GUCY1A2: variants seen among roughly 807,000 people sequenced by gnomAD.
GUCY1A2 encodes the protein guanylate cyclase 1 soluble subunit alpha 2.
In GUCY1A2, 27 loss-of-function variants were observed where a neutral mutation model predicts 63.5. The ratio of observed to expected loss-of-function variants is 0.43; its 90% CI spans 0.31 to 0.59. The LOEUF (loss-of-function observed/expected upper bound fraction) is 0.59, where lower values mean the gene tolerates loss of function less well. GUCY1A2 is among the 20% of genes least tolerant of loss of function. GUCY1A2 has a pLI of 0.11. For synonymous variants in GUCY1A2, 364 were observed against 343.5 expected, an observed-to-expected ratio of 1.06 and a Z score of -0.66; for missense variants, 768 against 913.3, an observed-to-expected ratio of 0.84 and a Z score of 2.05.
chr11:107,003,655 C>T (rs1269349180), intron 1 of GUCY1A2, among the ~76,000 whole-genome samples: 2 of 152,156 alleles, frequency 1.3e-5, no homozygotes, highest in South Asian at 2.1e-4. Flanking sequence ...CAGTCCAGAG[C>T]TAATCATTTT....
intron 1 of GUCY1A2, among the ~76,000 whole-genome samples, chr11:107,001,836 T>A (rs186865713): frequency 6.6e-6 from 1 of 152,130 alleles, no homozygotes; most frequent in African/African-American, 2.4e-5. Context: ...CTGGCCAACA[T>A]GGCAAAACCC....
At chr11:106,997,660 C>A (rs1861558792) in intron 1 of GUCY1A2, among the ~76,000 whole-genome samples, 1 of 123,544 alleles carries the variant, frequency 8.1e-6, no homozygotes, top group Non-Finnish European at 1.6e-5. Flanking sequence ...TAAGGTTAGA[C>A]CTCTTCGTGG....
intron 1 of GUCY1A2, among the ~76,000 whole-genome samples, chr11:106,996,261 G>A (rs796801508): frequency 1.2e-4 from 18 of 152,240 alleles, no homozygotes; most frequent in African/African-American, 3.4e-4. Context: ...AGAAGGGGAG[G>A]GGAATTGTTT....
rs2298507 is a variant in GUCY1A2, at chr11:106,685,559, G to C, written c.*1990C>G. The C allele has an allele frequency of 0.071, 16,212 of 227,306 alleles. 1,008 individuals carry two copies. Among genetic ancestry groups the C allele is most frequent in the African/African-American group, 0.16 (7,352 of 45,052 alleles). The allele number at this position is 227,306 out of a possible 1,614,324, so 14.1% of individuals were successfully genotyped here. A position where few individuals can be genotyped will look rare whatever the true frequency, so the allele number is the denominator to read the frequency against. On this transcript the variant is annotated 3_prime_UTR_variant, in exon 8 of 8. Transcript: ENST00000526355. ...ATACCATAATAAGTTCTAAGTTACT[G>C]AAGACAATAGGCATAAATGACATCA...
chr11:106,855,049 G>C (rs1034851131), intron 4 of GUCY1A2, among the ~76,000 whole-genome samples: 3 of 152,074 alleles, frequency 2.0e-5, no homozygotes, highest in Admixed American at 2.0e-4. Context: ...AAAATGCAAG[G>C]CCCGTTGGGC....
intron 4 of GUCY1A2, among the ~76,000 whole-genome samples, chr11:106,837,874 A>G (rs1177277020): frequency 6.6e-6 from 1 of 151,828 alleles, no homozygotes; most frequent in Non-Finnish European, 1.5e-5. Context: ...CTTGCTATTT[A>G]TGTTTAATAA....
chr11:106,889,580 G>A (rs1426595702), intron 4 of GUCY1A2, among the ~76,000 whole-genome samples: 1 of 152,134 alleles, frequency 6.6e-6, no homozygotes, highest in Non-Finnish European at 1.5e-5. Context: ...TCAGAGCAAA[G>A]ATAAAAAATG....
chr11:106,853,499 T>G (rs1859384055), intron 4 of GUCY1A2, among the ~76,000 whole-genome samples: 1 of 152,092 alleles, frequency 6.6e-6, no homozygotes, highest in Admixed American at 6.5e-5. Flanking sequence ...ACAATTTCTG[T>G]TTGGTTCTTT....
At chr11:106,953,807 C>T (rs750890781) in intron 3 of GUCY1A2, among the ~76,000 whole-genome samples, 4 of 152,194 alleles carry the variant, frequency 2.6e-5, no homozygotes, top group Middle Eastern at 3.4e-3. Flanking sequence ...AGTTTATTTG[C>T]GTAAAGGTGT....
chr11:106,911,169 C>G (rs1458277695), intron 4 of GUCY1A2, among the ~76,000 whole-genome samples: 1 of 151,880 alleles, frequency 6.6e-6, no homozygotes, highest in African/African-American at 2.4e-5. Flanking sequence ...ACAAGCTGTA[C>G]AATTTAATGT....
At position 106,810,350 on chromosome 11, in the gene GUCY1A2, G is replaced by A; in HGVS notation, c.1335C>T (p.Ile445=). The A allele has an allele frequency of 6.2e-7, 1 of 1,613,868 alleles. No homozygotes were observed. Among genetic ancestry groups the A allele is most frequent in the Non-Finnish European group, 8.5e-7 (1 of 1,179,900 alleles). ...GRGLHLSDIP[I]HDATRDVILV... ...AAATGACATCTCGGGTGGCATCATGGATAGGGATGTCTGAGAGATGTAGCC... is the reference window on the plus strand; with the variant it reads ...AAATGACATCTCGGGTGGCATCATGAATAGGGATGTCTGAGAGATGTAGCC... The change falls in exon 5 of 8, where the codon ATC becomes ATT. Residue 445 remains isoleucine, a synonymous_variant. Transcript: ENST00000526355.
At position 106,975,597 on chromosome 11, in the gene GUCY1A2, C is replaced by A. The variant is rs117357643; in HGVS notation, c.487+3022G>T. On this transcript the variant is annotated intron_variant, in intron 3 of 7. Transcript: ENST00000526355. ...CATTATCACAGCAATTGGCAAAGCA[C>A]CAAAATATGGTGAAGAGATGGCAAG... Among the ~76,000 whole-genome samples the A allele has an allele frequency of 7.3e-3, 1,107 of 152,132 alleles. 3 individuals carry two copies. Among genetic ancestry groups the A allele is most frequent in the Non-Finnish European group, 0.011 (772 of 67,994 alleles).
intron 3 of GUCY1A2, among the ~76,000 whole-genome samples, chr11:106,947,863 T>C (rs993317371): frequency 1.3e-5 from 2 of 151,766 alleles, no homozygotes; most frequent in Non-Finnish European, 2.9e-5. Context: ...AATAAATAAG[T>C]AAATAAAGAG....
Position 106,687,365 on chromosome 11 carries a change from C to T in GUCY1A2, c.*184G>A. 1 of 596,212 alleles carries T rather than the reference C, an allele frequency of 1.7e-6. No individual in the cohort carries two copies. The highest frequency in any genetic ancestry group is 3.0e-6 in the Non-Finnish European group (1 of 334,024). 36.9% of individuals were successfully genotyped at this position (596,212 alleles called of 1,614,324 possible). A position where few individuals can be genotyped will look rare whatever the true frequency, so the allele number is the denominator to read the frequency against. ...GGACACATCTTATTTCCCTCATCCTCCGGCTTTTTATTGACAGCGGTCACC... is the reference window on the plus strand; with the variant it reads ...GGACACATCTTATTTCCCTCATCCTTCGGCTTTTTATTGACAGCGGTCACC... On this transcript the variant is annotated 3_prime_UTR_variant, in exon 8 of 8. Coordinates refer to ENST00000526355, the MANE Select transcript of GUCY1A2 (RefSeq NM_000855.3).
chr11:106,915,855 C>T, intron 4 of GUCY1A2, among the ~76,000 whole-genome samples: 1 of 144,970 alleles, frequency 6.9e-6, no homozygotes, highest in East Asian at 2.1e-4. Flanking sequence ...CCTTAAGCCA[C>T]TTTGGATTTA....
chr11:106,888,593 T>C (rs1303196373), intron 4 of GUCY1A2, among the ~76,000 whole-genome samples: 1 of 152,224 alleles, frequency 6.6e-6, no homozygotes, highest in Non-Finnish European at 1.5e-5. Context: ...TGCTTTCTGG[T>C]TTCTTTTAAG....
rs1301989887 is a variant in GUCY1A2 at position 106,896,994 on chromosome 11, T to C, written c.1206+42466A>G. Among the ~76,000 whole-genome samples the C allele has an allele frequency of 3.3e-5, 5 of 152,146 alleles. No individual in the cohort carries two copies. The South Asian group carries it at 6.2e-4, about 19-fold the overall frequency. On this transcript the variant is annotated intron_variant, in intron 4 of 7. Transcript: ENST00000526355. Reference sequence around the variant, plus strand: ...AAATTCCTGAGACTAATAAAATGATTATAGCAAAATTTCAGTGTATAGGGT... The same window carrying C: ...AAATTCCTGAGACTAATAAAATGATCATAGCAAAATTTCAGTGTATAGGGT...
chr11:106,697,282 C>G (rs1862736698), intron 7 of GUCY1A2, among the ~76,000 whole-genome samples: 1 of 152,196 alleles, frequency 6.6e-6, no homozygotes, highest in South Asian at 2.1e-4. Context: ...AGAAAGGATT[C>G]TTAACATAGC....
At chr11:106,907,405 T>TA (rs1309764290) in intron 4 of GUCY1A2, among the ~76,000 whole-genome samples, 1 of 118,962 alleles carries the variant, frequency 8.4e-6, no homozygotes, top group African/African-American at 3.5e-5. Flanking sequence ...TTCTTTTTTT[T>TA]AATTTTATTA....
Sources: gnomAD v4.1 joint callset for allele counts (sites outside exome capture counted in the v4.1 genomes callset) on GRCh38, gnomAD v4.1.1 for gene constraint, MANE v1.5 for transcripts, NCBI Gene and HGNC (gene_info 2026-07-23, HGNC 2026-07-21) for gene names.